The following STARD13 variants were observed in gnomAD, a reference collection of about 807,000 sequenced individuals.
STARD13 encodes stAR-related lipid transfer protein 13.
Under a neutral mutation model 106.4 loss-of-function variants are expected in STARD13, and 62 were observed. The ratio of observed to expected loss-of-function variants is 0.58; its 90% confidence interval spans 0.48 to 0.72. The LOEUF is 0.72. Ranked by LOEUF, STARD13 falls within the 30% of genes least tolerant of loss-of-function variation. STARD13 has a pLI of 0.00. For missense variants in STARD13, 1,387 were observed against 1,424.0 expected (o/e 0.97, Z 0.42); for synonymous variants, 565 against 553.0 (o/e 1.02, Z -0.31).
the STARD13 span, among the ~76,000 whole-genome samples, chr13:33,555,362 C>G: frequency 6.6e-6 from 1 of 152,176 alleles, no homozygotes; most frequent in African/African-American, 2.4e-5. Flanking sequence ...AGAGGCCAGA[C>G]CAGCAGAGGA....
intron 3 of STARD13, among the ~76,000 whole-genome samples, chr13:33,165,097 CTT>C (rs1201501635): frequency 1.3e-5 from 2 of 152,252 alleles, no homozygotes; most frequent in East Asian, 3.9e-4. Context: ...CTCTCTCTCT[CTT>C]CTTTCTCTGT....
At chr13:33,251,280 G>T (rs1391454880) in intron 1 of STARD13, among the ~76,000 whole-genome samples, 1 of 152,188 alleles carries the variant, frequency 6.6e-6, no homozygotes, top group Non-Finnish European at 1.5e-5. Context: ...TTTCAAGCCT[G>T]CCAGGATGAT....
At chr13:33,315,334 A>G (rs762696645) in intron 1 of STARD13, among the ~76,000 whole-genome samples, 37 of 152,222 alleles carry the variant, frequency 2.4e-4, no homozygotes, top group Non-Finnish European at 4.9e-4. Context: ...AATATTCAGT[A>G]TGCTCTGATC....
the STARD13 span, among the ~76,000 whole-genome samples, chr13:33,582,821 T>C: frequency 1.3e-5 from 2 of 152,228 alleles, no homozygotes; most frequent in Admixed American, 6.5e-5. Context: ...AATATTTTTA[T>C]TTTCAAAGAG....
At chr13:33,230,061 A>C (rs77234877) in intron 1 of STARD13, among the ~76,000 whole-genome samples, 1 of 152,240 alleles carries the variant, frequency 6.6e-6, no homozygotes, top group Non-Finnish European at 1.5e-5. Context: ...ACAGGGAGAC[A>C]TTATGAGGCC....
intron 3 of STARD13, among the ~76,000 whole-genome samples, chr13:33,155,125 CCCAGCT>C (rs1881795791): frequency 6.6e-6 from 1 of 152,102 alleles, no homozygotes; most frequent in Non-Finnish European, 1.5e-5. Flanking sequence ...CATCTCCATC[CCCAGCT>C]CCGGGCCGGG....
chr13:33,136,676 C>T (rs1028545879), intron 4 of STARD13, among the ~76,000 whole-genome samples: 3 of 152,228 alleles, frequency 2.0e-5, no homozygotes, highest in Admixed American at 6.5e-5. Flanking sequence ...CAGACCCAGC[C>T]ACACTAGGGG....
chr13:33,650,151 T>G, the STARD13 span, among the ~76,000 whole-genome samples: 1 of 138,934 alleles, frequency 7.2e-6, no homozygotes, highest in Non-Finnish European at 1.5e-5. Context: ...CACCTGAATG[T>G]GACGTGACTC....
At chr13:33,187,804 T>C (rs1885910404) in intron 1 of STARD13, among the ~76,000 whole-genome samples, 1 of 152,152 alleles carries the variant, frequency 6.6e-6, no homozygotes, top group Non-Finnish European at 1.5e-5. Context: ...TGCCTCAGCC[T>C]CTCAAGTAGC....
chr13:33,136,384 TA>T (rs1879057217), intron 4 of STARD13, among the ~76,000 whole-genome samples: 3 of 152,196 alleles, frequency 2.0e-5, no homozygotes, highest in Admixed American at 2.0e-4. Flanking sequence ...CCTAGGCAAA[TA>T]GGGGCAGCTT....
At chr13:33,199,213 T>C (rs1022532044) in intron 1 of STARD13, among the ~76,000 whole-genome samples, 2 of 152,352 alleles carry the variant, frequency 1.3e-5, no homozygotes, top group Admixed American at 1.3e-4. Flanking sequence ...ATGTGCCCCA[T>C]AGCACATTGC....
the STARD13 span, among the ~76,000 whole-genome samples, chr13:33,499,511 C>CTTCTTCCTCT: frequency 1.5e-3 from 103 of 69,146 alleles, 2 homozygotes; most frequent in Middle Eastern, 8.1e-3. Flanking sequence ...TCTTCTTCTT[C>CTTCTTCCTCT]TTCTTTCTTT....
At chr13:33,298,299 T>G (rs1406410700) in intron 1 of STARD13, among the ~76,000 whole-genome samples, 1 of 148,572 alleles carries the variant, frequency 6.7e-6, no homozygotes, top group East Asian at 2.0e-4. Flanking sequence ...TCAGCTAATT[T>G]TTTTTTTTTT....
intron 1 of STARD13, among the ~76,000 whole-genome samples, chr13:33,342,211 A>G (rs2077968892): frequency 6.6e-6 from 1 of 152,204 alleles, no homozygotes; most frequent in African/African-American, 2.4e-5. Flanking sequence ...TGGATGCTAT[A>G]TTGGAAAAAT....
At chr13:33,506,753 A>G in the STARD13 span, among the ~76,000 whole-genome samples, 1 of 152,208 alleles carries the variant, frequency 6.6e-6, no homozygotes, top group Non-Finnish European at 1.5e-5. Context: ...ATATGCAGAA[A>G]TTACCACTTG....
At chr13:33,257,992 A>G (rs1013279195) in intron 1 of STARD13, among the ~76,000 whole-genome samples, 1 of 152,384 alleles carries the variant, frequency 6.6e-6, no homozygotes, top group Admixed American at 6.5e-5. Context: ...CTATTAAAAG[A>G]TAATTAAAAC....
chr13:33,203,218 G>A (rs1403373195), intron 1 of STARD13, among the ~76,000 whole-genome samples: 7 of 152,220 alleles, frequency 4.6e-5, no homozygotes, highest in East Asian at 1.9e-4. Context: ...AACAGGGTGC[G>A]TGGTGATTCT....
chr13:33,312,857 C>CA (rs1257986040), intron 1 of STARD13, among the ~76,000 whole-genome samples: 1 of 152,158 alleles, frequency 6.6e-6, no homozygotes, highest in Non-Finnish European at 1.5e-5. Flanking sequence ...TAATAAACAA[C>CA]AAAAATTCCA....
the STARD13 span, among the ~76,000 whole-genome samples, chr13:33,570,770 G>T: frequency 1.3e-5 from 2 of 152,160 alleles, no homozygotes; most frequent in Admixed American, 6.6e-5. Context: ...CTCTTTTCCA[G>T]ACTGATCAAA....
Sources: gnomAD v4.1 joint callset for allele counts (sites outside exome capture counted in the v4.1 genomes callset) on GRCh38, gnomAD v4.1.1 for gene constraint, MANE v1.5 for transcripts, NCBI Gene and HGNC (gene_info 2026-07-23, HGNC 2026-07-21) for gene names.